PPP6C: variants seen among roughly 807,000 people sequenced by gnomAD.
PPP6C encodes serine/threonine-protein phosphatase 6 catalytic subunit.
Under a neutral mutation model 39.8 loss-of-function variants are expected in PPP6C, and 11 were observed. The observed-to-expected ratio is 0.28, with a 90% confidence interval of 0.17 to 0.46. The LOEUF (loss-of-function observed/expected upper bound fraction) is 0.46. PPP6C is among the 20% of genes least tolerant of loss of function. The probability of loss-of-function intolerance (pLI) is 1.00; values close to 1 mark genes in which losing one functional copy is unlikely to be tolerated. For synonymous variants in PPP6C, 129 were observed against 130.3 expected (o/e 0.99, Z 0.07); for missense variants, 211 against 373.9 (o/e 0.56, Z 3.59).
chr9:125,154,209 A>T (rs1398616853), intron 4 of PPP6C, among the ~76,000 whole-genome samples: 1 of 152,202 alleles, frequency 6.6e-6, no homozygotes, highest in Non-Finnish European at 1.5e-5. Context: ...ATACATTCTA[A>T]AAAATGCATT....
In PPP6C at chr9:125,171,928, A is replaced by C. The variant is rs58696362; in HGVS notation, c.76-748T>G. 9.5e-3 allele frequency: 4,422 copies of C among 466,878 alleles called. 175 individuals carry two copies. Among genetic ancestry groups the C allele is most frequent in the African/African-American group, 0.082 (4,112 of 50,172 alleles). 28.9% of individuals were successfully genotyped at this position (466,878 alleles called of 1,614,324 possible). A position where few individuals can be genotyped will look rare whatever the true frequency, so the allele number is the denominator to read the frequency against. On this transcript the variant is annotated intron_variant, in intron 1 of 6. Transcript: ENST00000373547. Reference sequence around the variant, plus strand: ...ACTTACCATTTGACCCAGCAACTGTAGTCTTGGCAATAAAAACATGTTCAA... The same window carrying C: ...ACTTACCATTTGACCCAGCAACTGTCGTCTTGGCAATAAAAACATGTTCAA...
rs1554722580 is a variant in PPP6C at position 125,172,752 on chromosome 9, A to AAAC, written c.76-1573_76-1572insGTT. ...ACACACACACACACACACACACACA[A>AAAC]ACACACACACACACACACAAACACA... On this transcript the variant is annotated intron_variant, in intron 1 of 6. Transcript: ENST00000373547. 4.6e-3 allele frequency among the ~76,000 whole-genome samples: 502 copies of AAAC among 108,324 alleles called. 7 individuals carry two copies. The highest frequency in any genetic ancestry group is 0.027 in the Admixed American group (283 of 10,666). 71.1% of individuals were successfully genotyped at this position (108,324 alleles called of 152,430 possible).
At chr9:125,166,541 T>C (rs1168918534) in intron 2 of PPP6C, among the ~76,000 whole-genome samples, 2 of 150,910 alleles carry the variant, frequency 1.3e-5, no homozygotes, top group African/African-American at 4.9e-5. Context: ...TTTTCTTTTT[T>C]TTTTTTTTTT....
chr9:125,182,865 C>T (rs772372811), intron 1 of PPP6C, among the ~76,000 whole-genome samples: 3 of 151,430 alleles, frequency 2.0e-5, no homozygotes, highest in African/African-American at 4.9e-5. Flanking sequence ...CAGTTGAGAA[C>T]GACTGGTCTA....
chr9:125,165,795 CTTTTTTT>C (rs781221037), intron 2 of PPP6C, among the ~76,000 whole-genome samples: 15 of 113,606 alleles, frequency 1.3e-4, no homozygotes, highest in African/African-American at 4.9e-4. Flanking sequence ...TAATCTTTTG[CTTTTTTT>C]TTTTTTTTTT....
chr9:125,151,387 A>C, intron 6 of PPP6C: 1 of 1,019,250 alleles, frequency 9.8e-7, no homozygotes, highest in Non-Finnish European at 1.6e-6. Flanking sequence ...TGACTCACAG[A>C]ATCTTCTCTG....
chr9:125,167,397 A>AAAAAAAAAAAAAAAAC (rs1564152126), intron 2 of PPP6C, among the ~76,000 whole-genome samples: 2 of 129,634 alleles, frequency 1.5e-5, no homozygotes, highest in Admixed American at 7.7e-5. Context: ...AAAAAAAAAA[A>AAAAAAAAAAAAAAAAC]AAGAAATAAA....
chr9:125,158,440 A>T, intron 3 of PPP6C, 58 bp from the exon 4 acceptor site: 2 of 1,516,016 alleles, frequency 1.3e-6, no homozygotes, highest in Admixed American at 1.8e-5. Flanking sequence ...TTCTTTTCAA[A>T]TTATATCAAA....
chr9:125,170,847 G>A (rs1829133002), intron 2 of PPP6C, among the ~76,000 whole-genome samples: 1 of 152,078 alleles, frequency 6.6e-6, no homozygotes, highest in African/African-American at 2.4e-5. Flanking sequence ...GAAAACTAAT[G>A]CTGCATTATT....
chr9:125,174,040 G>C (rs1036158530), intron 1 of PPP6C, among the ~76,000 whole-genome samples: 2 of 152,158 alleles, frequency 1.3e-5, no homozygotes, highest in African/African-American at 4.8e-5. Flanking sequence ...TTCTGGAAAA[G>C]GAAGTATACA....
chr9:125,189,560 AC>A (rs746736355), intron 1 of PPP6C, 83 bp downstream of exon 1: 1 of 1,594,206 alleles, frequency 6.3e-7, no homozygotes, highest in Non-Finnish European at 8.5e-7. Flanking sequence ...TGGACTGGAT[AC>A]CCGGCGGGGG....
At chr9:125,167,784 T>C (rs1829054982) in intron 2 of PPP6C, among the ~76,000 whole-genome samples, 1 of 128,748 alleles carries the variant, frequency 7.8e-6, no homozygotes. Context: ...CCCAGCACTC[T>C]GGGAGGCCAA....
In PPP6C at chr9:125,149,060, T is replaced by A. The variant is rs1436836140; in HGVS notation, c.*613A>T. The A allele has an allele frequency of 1.3e-5, 2 of 152,210 alleles. No homozygotes were observed. The highest frequency in any genetic ancestry group is 2.9e-5 in the Non-Finnish European group (2 of 68,032). The allele number at this position is 152,210 out of a possible 1,614,324, so 9.4% of individuals were successfully genotyped here. ...ATCTGAAAAAAGATCAATACAATTATCTTAAAGTACAAAGTCATAAGCTGT... is the reference window on the plus strand; with the variant it reads ...ATCTGAAAAAAGATCAATACAATTAACTTAAAGTACAAAGTCATAAGCTGT... On this transcript the variant is annotated 3_prime_UTR_variant, in exon 7 of 7. Transcript: ENST00000373547.
At chr9:125,168,944 A>G (rs1437399407) in intron 2 of PPP6C, among the ~76,000 whole-genome samples, 1 of 151,686 alleles carries the variant, frequency 6.6e-6, no homozygotes, top group Non-Finnish European at 1.5e-5. Flanking sequence ...TATTTTTCGT[A>G]GAGACAGGGT....
chr9:125,164,216 C>CTTTTTTTTTT lies in PPP6C; in HGVS notation c.172-3311_172-3310insAAAAAAAAAA. Among the ~76,000 whole-genome samples, 3 of 119,708 alleles carry CTTTTTTTTTT rather than the reference C, an allele frequency of 2.5e-5. 1 individual carries two copies. The highest frequency in any genetic ancestry group is 8.6e-5 in the Admixed American group (1 of 11,586). The allele number at this position is 119,708 out of a possible 152,430, so 78.5% of individuals were successfully genotyped here. A position where few individuals can be genotyped will look rare whatever the true frequency, so the allele number is the denominator to read the frequency against. On this transcript the variant is annotated intron_variant, in intron 2 of 6. Transcript: ENST00000373547. ...ATCTACTCTATGTCTCTCCCTCACT[C>CTTTTTTTTTT]TCTTTTTTTTTTTTTTTTTTTTTTT...
At chr9:125,157,019 G>A (rs1252928741) in intron 4 of PPP6C, among the ~76,000 whole-genome samples, 1 of 151,920 alleles carries the variant, frequency 6.6e-6, no homozygotes, top group Non-Finnish European at 1.5e-5. Flanking sequence ...TAGGGTACAT[G>A]TGCACAACGT....
intron 2 of PPP6C, among the ~76,000 whole-genome samples, chr9:125,167,251 C>T (rs1330613796): frequency 6.6e-6 from 1 of 151,292 alleles, no homozygotes; most frequent in Non-Finnish European, 1.5e-5. Context: ...CGTGGTGGTG[C>T]GTGCCTGTAG....
At chr9:125,157,932 G>A (rs938734176) in intron 4 of PPP6C, among the ~76,000 whole-genome samples, 14 of 151,818 alleles carry the variant, frequency 9.2e-5, no homozygotes, top group South Asian at 4.2e-4. Context: ...CTTGTGATCC[G>A]CCTGCCTCAG....
chr9:125,186,539 A>G (rs571819935), intron 1 of PPP6C, among the ~76,000 whole-genome samples: 6 of 152,072 alleles, frequency 3.9e-5, no homozygotes, highest in African/African-American at 1.5e-4. Flanking sequence ...TGAGCCCAGG[A>G]GTTCAAGACT....
Sources: allele counts gnomAD v4.1 joint callset (sites outside exome capture counted in the v4.1 genomes callset), GRCh38; gene constraint gnomAD v4.1.1; transcripts MANE v1.5; gene names NCBI Gene and HGNC (gene_info 2026-07-23, HGNC 2026-07-21).